Variants in NFIB observed in about 807,000 individuals in gnomAD.
NFIB encodes the protein nuclear factor 1 B-type.
A neutral mutation model predicts 61.5 loss-of-function variants in NFIB; 11 were observed. The ratio of observed to expected loss-of-function variants is 0.18; its 90% CI spans 0.11 to 0.30. The LOEUF is 0.30. Ranked by LOEUF, NFIB falls within the 10% of genes least tolerant of loss-of-function variation. The pLI is 1.00. For missense variants in NFIB, 471 were observed against 608.9 expected, an observed-to-expected ratio of 0.77 and a Z score of 2.38; for synonymous variants, 260 against 216.5, an observed-to-expected ratio of 1.20 and a Z score of -1.76.
chr9:14,432,073 A>G, the NFIB span, among the ~76,000 whole-genome samples: 1 of 152,278 alleles, frequency 6.6e-6, no homozygotes, highest in Non-Finnish European at 1.5e-5. Flanking sequence ...AAGACAATGG[A>G]GAGGCTCTCT....
intron 1 of NFIB, among the ~76,000 whole-genome samples, chr9:14,343,819 G>C (rs532002237): frequency 4.0e-4 from 54 of 134,624 alleles, no homozygotes; most frequent in African/African-American, 1.9e-3. Flanking sequence ...GGCTGCTTGG[G>C]GACAAGGGGG....
At chr9:14,280,653 G>A (rs2058310392) in intron 2 of NFIB, among the ~76,000 whole-genome samples, 1 of 152,180 alleles carries the variant, frequency 6.6e-6, no homozygotes, top group African/African-American at 2.4e-5. Flanking sequence ...CACTTCCACA[G>A]GAGACAACGT....
At chr9:14,243,480 G>A in intron 2 of NFIB, among the ~76,000 whole-genome samples, 1 of 152,074 alleles carries the variant, frequency 6.6e-6, no homozygotes, top group East Asian at 1.9e-4. Context: ...ATCTAGAAGA[G>A]GAGCAGGTTT....
At chr9:14,318,427 C>T (rs193097821), upstream of NFIB, among the ~76,000 whole-genome samples, 232 of 150,766 alleles carry the variant, frequency 1.5e-3, no homozygotes, top group Non-Finnish European at 2.4e-3. Flanking sequence ...ATTGCAGCGA[C>T]AGGTTGCAAA....
At chr9:14,408,098 T>C in the NFIB span, among the ~76,000 whole-genome samples, 1 of 152,180 alleles carries the variant, frequency 6.6e-6, no homozygotes, top group African/African-American at 2.4e-5. Context: ...TTTCAAGAAA[T>C]TGCCAATTAT....
chr9:14,355,513 T>C (rs1313348443), intron 1 of NFIB, among the ~76,000 whole-genome samples: 1 of 152,196 alleles, frequency 6.6e-6, no homozygotes, highest in Non-Finnish European at 1.5e-5. Context: ...TGTACAGCCA[T>C]TTGGAGATGC....
intron 3 of NFIB, among the ~76,000 whole-genome samples, chr9:14,161,845 TA>T (rs1269560891): frequency 5.3e-5 from 8 of 152,270 alleles, no homozygotes; most frequent in African/African-American, 1.9e-4. Flanking sequence ...AAACTCTTGG[TA>T]AAAACTGTCA....
At chr9:14,477,155 G>T in the NFIB span, among the ~76,000 whole-genome samples, 2 of 152,150 alleles carry the variant, frequency 1.3e-5, no homozygotes, top group African/African-American at 2.4e-5. Context: ...ATTCCATTCT[G>T]CCTGAGGCAG....
chr9:14,437,413 G>C, the NFIB span, among the ~76,000 whole-genome samples: 2 of 152,322 alleles, frequency 1.3e-5, no homozygotes, highest in South Asian at 4.2e-4. Context: ...TGTTGTATGA[G>C]TGATTTAAGT....
At chr9:14,138,486 T>C (rs1275057803) in intron 6 of NFIB, among the ~76,000 whole-genome samples, 2 of 152,146 alleles carry the variant, frequency 1.3e-5, no homozygotes, top group African/African-American at 2.4e-5. Flanking sequence ...ACATGGATTA[T>C]ATGTTAGATT....
At chr9:14,100,680 C>G (rs1451650572) in intron 10 of NFIB, among the ~76,000 whole-genome samples, 8 of 152,254 alleles carry the variant, frequency 5.3e-5, no homozygotes, top group Non-Finnish European at 1.2e-4. Context: ...CGCCACTGCA[C>G]TCCAGCCTGG....
intron 1 of NFIB, chr9:14,358,004 G>C (rs532971423): frequency 1.3e-5 from 2 of 152,276 alleles, no homozygotes; most frequent in East Asian, 3.9e-4. Flanking sequence ...GGGGAGCCTG[G>C]AGGATGACAG....
At chr9:14,207,434 G>A (rs758563561) in intron 2 of NFIB, among the ~76,000 whole-genome samples, 10 of 152,200 alleles carry the variant, frequency 6.6e-5, no homozygotes, top group Admixed American at 1.3e-4. Context: ...TTTATGTTGT[G>A]GTTTGGTAAT....
chr9:14,376,164 G>T (rs1432325839), intron 1 of NFIB, among the ~76,000 whole-genome samples: 3 of 152,164 alleles, frequency 2.0e-5, no homozygotes, highest in Non-Finnish European at 2.9e-5. Context: ...GGGCTCAAGT[G>T]ATCCTCCCAC....
intron 7 of NFIB, among the ~76,000 whole-genome samples, chr9:14,122,620 T>C (rs2039085020): frequency 6.6e-6 from 1 of 152,190 alleles, no homozygotes; most frequent in Admixed American, 6.5e-5. Flanking sequence ...TAAGAAAAAC[T>C]GGGCATCTTT....
chr9:14,293,292 A>G lies in NFIB; in HGVS notation c.562+13697T>C, dbSNP rs182052753. 7.9e-5 allele frequency among the ~76,000 whole-genome samples: 12 copies of G among 152,350 alleles called. 1 individual carries two copies. The highest frequency in any genetic ancestry group is 1.2e-4 in the Non-Finnish European group (8 of 68,034). On this transcript the variant is annotated intron_variant, in intron 2 of 10. Coordinates refer to ENST00000380953, the MANE Select transcript of NFIB (RefSeq NM_001190737.2). Reference sequence around the variant, plus strand: ...CAATGTGTTAGCTAGTCCCAGGCACATGGTCGAAAATGGCTGCAAACCACT... The same window carrying G: ...CAATGTGTTAGCTAGTCCCAGGCACGTGGTCGAAAATGGCTGCAAACCACT...
chr9:14,498,215 TC>T, the NFIB span, among the ~76,000 whole-genome samples: 1 of 152,236 alleles, frequency 6.6e-6, no homozygotes, highest in Non-Finnish European at 1.5e-5. Context: ...TTGTGCTCTT[TC>T]TACCTTCATG....
the NFIB span, among the ~76,000 whole-genome samples, chr9:14,461,617 C>A: frequency 6.6e-6 from 1 of 152,224 alleles, no homozygotes; most frequent in South Asian, 2.1e-4. Flanking sequence ...AACCAAATGC[C>A]ATGCTCTGCA....
intron 2 of NFIB, among the ~76,000 whole-genome samples, chr9:14,227,362 A>G (rs1420567380): frequency 6.6e-6 from 1 of 152,146 alleles, no homozygotes; most frequent in African/African-American, 2.4e-5. Context: ...CTAGGTCAGT[A>G]TAGGGCATGA....
Sources: allele counts gnomAD v4.1 joint callset (sites outside exome capture counted in the v4.1 genomes callset), GRCh38; gene constraint gnomAD v4.1.1; transcripts MANE v1.5; gene names NCBI Gene and HGNC (gene_info 2026-07-23, HGNC 2026-07-21).